Variants in FSTL5 observed in about 807,000 individuals in gnomAD.
The protein encoded by FSTL5 is follistatin-related protein 5.
In FSTL5, 62 loss-of-function variants were observed where a neutral mutation model predicts 89.1. The observed-to-expected ratio is 0.70, with a 90% CI of 0.57 to 0.86. The LOEUF (loss-of-function observed/expected upper bound fraction) is 0.86, where lower values mean the gene tolerates loss of function less well. FSTL5 is among the 40% of genes least tolerant of loss of function. The pLI is 0.00. For synonymous variants in FSTL5, 383 were observed against 346.2 expected, an observed-to-expected ratio of 1.11 and a Z score of -1.18; for missense variants, 1,057 against 1,001.6, an observed-to-expected ratio of 1.06 and a Z score of -0.75.
chr4:161,508,608 T>A (rs1214016989), intron 11 of FSTL5, among the ~76,000 whole-genome samples: 1 of 152,138 alleles, frequency 6.6e-6, no homozygotes, highest in African/African-American at 2.4e-5. Context: ...ATGAATTTCA[T>A]CATGATTTTA....
At chr4:161,579,493 A>T (rs1311596333) in intron 8 of FSTL5, among the ~76,000 whole-genome samples, 2 of 152,018 alleles carry the variant, frequency 1.3e-5, no homozygotes, top group Non-Finnish European at 2.9e-5. Flanking sequence ...CGAGGTGGGC[A>T]TATCACCTGA....
intron 8 of FSTL5, among the ~76,000 whole-genome samples, chr4:161,576,665 C>T (rs1733219222): frequency 6.6e-6 from 1 of 152,086 alleles, no homozygotes; most frequent in Admixed American, 6.6e-5. Context: ...TTAGACTCTC[C>T]TTTTTCAAAT....
intron 1 of FSTL5, among the ~76,000 whole-genome samples, chr4:162,116,919 T>C (rs1021693015): frequency 2.0e-5 from 3 of 152,210 alleles, no homozygotes; most frequent in Admixed American, 2.0e-4. Context: ...CCAGGCTTTC[T>C]GTTCTCTGCT....
chr4:161,543,827 T>C (rs1731915265), intron 8 of FSTL5, among the ~76,000 whole-genome samples: 1 of 152,034 alleles, frequency 6.6e-6, no homozygotes, highest in Non-Finnish European at 1.5e-5. Context: ...TGAGTAAATG[T>C]TTCTGATCTA....
chr4:162,163,682 A>T lies in FSTL5; in HGVS notation c.-84T>A, dbSNP rs991186513. On this transcript the variant is annotated 5_prime_UTR_variant, in exon 1 of 16. Transcript: ENST00000306100. The stretch of plus-strand genomic sequence containing the variant: ...ACGCTGTGGAAATATAAATCACAAT[A>T]AAAAAAAAAAACTCTCAAAAGATCG... 221 of 92,592 alleles carry T rather than the reference A, an allele frequency of 2.4e-3. 1 individual carries two copies. The highest frequency in any genetic ancestry group is 8.2e-3 in the African/African-American group (210 of 25,484). The allele number at this position is 92,592 out of a possible 1,614,324, so 5.7% of individuals were successfully genotyped here. A position where few individuals can be genotyped will look rare whatever the true frequency, so the allele number is the denominator to read the frequency against.
intron 2 of FSTL5, among the ~76,000 whole-genome samples, chr4:162,098,450 G>T (rs562806563): frequency 2.0e-5 from 3 of 151,912 alleles, no homozygotes; most frequent in African/African-American, 7.2e-5. Flanking sequence ...CAGAGAATAC[G>T]CATGTAACAT....
chr4:161,610,089 G>A (rs1294487928), intron 7 of FSTL5, among the ~76,000 whole-genome samples: 18 of 151,806 alleles, frequency 1.2e-4, no homozygotes, highest in Admixed American at 1.2e-3. Context: ...TTTCAATAGA[G>A]TAAATTTGAA....
chr4:161,423,173 TTTCCCTCATATGGAAAG>T, intron 15 of FSTL5, among the ~76,000 whole-genome samples: 1 of 152,188 alleles, frequency 6.6e-6, no homozygotes, highest in African/African-American at 2.4e-5. Flanking sequence ...ACAATCACCA[TTTCCCTCATATGGAAAG>T]TTCTTTCCAA....
rs373161292 is a variant in FSTL5 at position 162,146,752 on chromosome 4, TTCTC to T, written c.-17+16859_-17+16862del. 2.1e-3 allele frequency among the ~76,000 whole-genome samples: 245 copies of T among 117,936 alleles called. 1 individual carries two copies. The highest frequency in any genetic ancestry group is 4.9e-3 in the African/African-American group (175 of 36,046). 77.4% of individuals were successfully genotyped at this position (117,936 alleles called of 152,430 possible). The stretch of plus-strand genomic sequence containing the variant: ...CTTCCCTCCTTTCTTTCTTTCTCCT[TTCTC>T]TCTCTCTCTCTCTCTCTTTCTTTCT... On this transcript the variant is annotated intron_variant, in intron 1 of 15. Transcript: ENST00000306100.
chr4:161,823,622 T>G (rs359132), intron 4 of FSTL5, among the ~76,000 whole-genome samples: 41 of 152,160 alleles, frequency 2.7e-4, no homozygotes, highest in African/African-American at 9.7e-4. Flanking sequence ...TCTGGATCCA[T>G]GGCTGTGTGG....
At chr4:161,878,588 A>C (rs1240385302) in intron 4 of FSTL5, among the ~76,000 whole-genome samples, 1 of 152,104 alleles carries the variant, frequency 6.6e-6, no homozygotes, top group Non-Finnish European at 1.5e-5. Flanking sequence ...TTTTAAATAT[A>C]ATAAGAAAAT....
At chr4:161,829,561 A>G (rs1250569758) in intron 4 of FSTL5, among the ~76,000 whole-genome samples, 3 of 152,066 alleles carry the variant, frequency 2.0e-5, no homozygotes, top group Non-Finnish European at 4.4e-5. Flanking sequence ...AGTATTTCTT[A>G]GGAATGAAAA....
At chr4:162,153,745 AATATACATGTAT>A (rs1396844914) in intron 1 of FSTL5, among the ~76,000 whole-genome samples, 5 of 109,854 alleles carry the variant, frequency 4.6e-5, no homozygotes, top group Non-Finnish European at 7.5e-5. Flanking sequence ...TGTATATAAT[AATATACATGTAT>A]ATATACATGT....
chr4:161,781,359 A>T (rs887352580), intron 4 of FSTL5, among the ~76,000 whole-genome samples: 2 of 152,056 alleles, frequency 1.3e-5, no homozygotes, highest in African/African-American at 4.8e-5. Flanking sequence ...CTAAACTGTA[A>T]TGTCTACCTA....
intron 2 of FSTL5, among the ~76,000 whole-genome samples, chr4:162,083,774 G>A (rs549220982): frequency 6.6e-5 from 10 of 151,640 alleles, no homozygotes; most frequent in Admixed American, 1.3e-4. Flanking sequence ...CACAATCAAC[G>A]TTAGGAGAGC....
intron 11 of FSTL5, among the ~76,000 whole-genome samples, chr4:161,505,023 A>G (rs137918272): frequency 2.0e-5 from 3 of 152,036 alleles, no homozygotes; most frequent in Non-Finnish European, 2.9e-5. Flanking sequence ...TAAGTGTATG[A>G]TGTAGTGATT....
intron 6 of FSTL5, among the ~76,000 whole-genome samples, chr4:161,734,322 T>C (rs1488682380): frequency 6.6e-6 from 1 of 152,188 alleles, no homozygotes; most frequent in African/African-American, 2.4e-5. Context: ...CTAGCTTATA[T>C]AATTTACAAT....
intron 4 of FSTL5, among the ~76,000 whole-genome samples, chr4:161,879,990 G>C (rs1013284946): frequency 4.6e-5 from 7 of 152,114 alleles, no homozygotes; most frequent in Admixed American, 3.3e-4. Context: ...CTACTTAAAG[G>C]TGAGTTGTTA....
chr4:161,688,517 C>T (rs958878501), intron 6 of FSTL5, among the ~76,000 whole-genome samples: 3 of 152,154 alleles, frequency 2.0e-5, no homozygotes, highest in Non-Finnish European at 2.9e-5. Context: ...GTCACAGAGC[C>T]AGTCCTTATT....
Sources: allele counts gnomAD v4.1 joint callset (sites outside exome capture counted in the v4.1 genomes callset), GRCh38; gene constraint gnomAD v4.1.1; transcripts MANE v1.5; gene names NCBI Gene and HGNC (gene_info 2026-07-23, HGNC 2026-07-21).